The following ST3GAL1 variants were observed in gnomAD, a reference collection of about 807,000 sequenced individuals.
ST3GAL1 encodes the protein CMP-N-acetylneuraminate-beta-galactosamide-alpha-2,3-sialyltransferase 1.
A neutral mutation model predicts 34.1 loss-of-function variants in ST3GAL1; 16 were observed. The observed-to-expected ratio is 0.47, with a 90% CI of 0.32 to 0.71. ST3GAL1 has a LOEUF of 0.71. Ranked by LOEUF, ST3GAL1 falls within the 30% of genes least tolerant of loss-of-function variation. The pLI, the probability that ST3GAL1 is intolerant of heterozygous loss-of-function variation, is 0.04. For missense variants in ST3GAL1, 353 were observed against 447.4 expected, an observed-to-expected ratio of 0.79 and a Z score of 1.90; for synonymous variants, 191 against 184.7, an observed-to-expected ratio of 1.03 and a Z score of -0.28.
chr8:133,492,793 C>T (rs773679284), intron 3 of ST3GAL1, among the ~76,000 whole-genome samples: 1 of 152,228 alleles, frequency 6.6e-6, no homozygotes, highest in Non-Finnish European at 1.5e-5. Flanking sequence ...AAGAATCTAC[C>T]TTTCGGCCTC....
chr8:133,535,092 C>G (rs902539155), intron 2 of ST3GAL1, among the ~76,000 whole-genome samples: 17 of 152,196 alleles, frequency 1.1e-4, no homozygotes, highest in Admixed American at 1.1e-3. Flanking sequence ...AGGAGGAGTC[C>G]CGGAAGAGAC....
intron 2 of ST3GAL1, among the ~76,000 whole-genome samples, chr8:133,537,277 C>G (rs73361326): frequency 0.014 from 2,016 of 148,834 alleles, 51 homozygotes; most frequent in African/African-American, 0.046. Context: ...GCTCAGCTAT[C>G]TGGAAGCTCT....
rs754963672 is a variant in ST3GAL1 at position 133,465,008 on chromosome 8, CAGACAGCCTGAGAGCTCCGAGAG to C, written c.504-74_504-52del. 2.6e-6 allele frequency: 4 copies of C among 1,560,798 alleles called. No homozygotes were observed. The African/African-American group carries it at 4.1e-5, about 16-fold the overall frequency. Reference sequence around the variant, plus strand: ...GTCTTGTAGCACGGGCACCCGTTCTCAGACAGCCTGAGAGCTCCGAGAGAGTGAGCCTCCAGTGTGACTTCAGG... The same window carrying C: ...GTCTTGTAGCACGGGCACCCGTTCTCAGTGAGCCTCCAGTGTGACTTCAGG... On this transcript the variant is annotated intron_variant, in intron 6 of 9. Coordinates refer to ENST00000522652, the MANE Select transcript of ST3GAL1 (RefSeq NM_173344.3).
At chr8:133,534,216 C>A (rs879044264) in intron 2 of ST3GAL1, among the ~76,000 whole-genome samples, 5 of 152,184 alleles carry the variant, frequency 3.3e-5, no homozygotes, top group African/African-American at 1.2e-4. Flanking sequence ...CTTCTGACAC[C>A]CAATCCTCCA....
At chr8:133,520,153 A>C (rs1344813139) in intron 2 of ST3GAL1, among the ~76,000 whole-genome samples, 1 of 152,168 alleles carries the variant, frequency 6.6e-6, no homozygotes, top group Non-Finnish European at 1.5e-5. Context: ...AGGGAACAAA[A>C]CAGATGAAGG....
intron 2 of ST3GAL1, among the ~76,000 whole-genome samples, chr8:133,513,936 G>A (rs1294751703): frequency 5.3e-5 from 8 of 151,668 alleles, no homozygotes; most frequent in East Asian, 1.9e-4. Flanking sequence ...TTTGATCCCT[G>A]TGCTAAGAGA....
intron 3 of ST3GAL1, among the ~76,000 whole-genome samples, chr8:133,486,333 G>A (rs1002621408): frequency 1.8e-4 from 27 of 152,350 alleles, no homozygotes; most frequent in South Asian, 6.2e-4. Flanking sequence ...TGTGTGTGGC[G>A]CAGCTCAGGG....
At chr8:133,460,721 A>G (rs1207279796) in intron 9 of ST3GAL1, among the ~76,000 whole-genome samples, 2 of 152,182 alleles carry the variant, frequency 1.3e-5, no homozygotes, top group African/African-American at 4.8e-5. Flanking sequence ...CTCCCGCAGC[A>G]CAGAGGAGGG....
intron 1 of ST3GAL1, among the ~76,000 whole-genome samples, chr8:133,552,293 C>T (rs143155396): frequency 2.0e-3 from 298 of 152,316 alleles, no homozygotes; most frequent in Middle Eastern, 0.017. Flanking sequence ...AAGACTGAGA[C>T]AGTCTAGCCA....
chr8:133,530,406 C>CA (rs1818117908), intron 2 of ST3GAL1, among the ~76,000 whole-genome samples: 1 of 152,086 alleles, frequency 6.6e-6, no homozygotes. Context: ...CTCAGCCTCC[C>CA]AAGTAGTTTG....
chr8:133,464,771 G>A lies in ST3GAL1; in HGVS notation c.683+7C>T. The A allele has an allele frequency of 6.2e-7, 1 of 1,609,924 alleles. No individual in the cohort carries two copies. The highest frequency in any genetic ancestry group is 8.5e-7 in the Non-Finnish European group (1 of 1,177,222). Reference sequence around the variant, plus strand: ...AGCAGCGAGGCGGGGCCACAGGAGGGACTCACTGGGAAATGGTGCCCGTGG... The same window carrying A: ...AGCAGCGAGGCGGGGCCACAGGAGGAACTCACTGGGAAATGGTGCCCGTGG... On this transcript the variant is annotated splice_region_variant and intron_variant, in intron 7 of 9. Coordinates refer to ENST00000522652, the MANE Select transcript of ST3GAL1 (RefSeq NM_173344.3).
chr8:133,504,441 G>A (rs1344536384), intron 2 of ST3GAL1, among the ~76,000 whole-genome samples: 6 of 152,316 alleles, frequency 3.9e-5, no homozygotes, highest in East Asian at 3.9e-4. Flanking sequence ...AACATCTCCC[G>A]TTTCTGGGAA....
intron 2 of ST3GAL1, among the ~76,000 whole-genome samples, chr8:133,531,814 G>C (rs75181495): frequency 1.0e-5 from 1 of 99,856 alleles, no homozygotes; most frequent in Non-Finnish European, 2.1e-5. Flanking sequence ...CTTAAAAACA[G>C]AAAAAAAAAA....
At chr8:133,479,716 T>C (rs1006015243) in intron 3 of ST3GAL1, among the ~76,000 whole-genome samples, 3 of 152,170 alleles carry the variant, frequency 2.0e-5, no homozygotes, top group African/African-American at 2.4e-5. Flanking sequence ...AAGGTTGTGC[T>C]GCACAGGTTG....
rs1299742930 is a variant in ST3GAL1, at chr8:133,465,916, C to G, written c.481G>C (p.Asp161His). The change falls in exon 6 of 10, where the codon GAC becomes CAC. Residue 161 changes from aspartate to histidine, a missense_variant. Coordinates refer to ENST00000522652, the MANE Select transcript of ST3GAL1 (RefSeq NM_173344.3). Reference sequence around the variant, plus strand: ...CACCTGAGGACAAAGTCGTGACTGTCTATCTCAGGCCCATAAGAAGACTCC... The same window carrying G: ...CACCTGAGGACAAAGTCGTGACTGTGTATCTCAGGCCCATAAGAAGACTCC... ...LRESSYGPEI[D>H]SHDFVLRMNK... 6.2e-7 allele frequency: 1 copy of G among 1,614,088 alleles called. No homozygotes were observed. The highest frequency in any genetic ancestry group is 1.1e-5 in the South Asian group (1 of 91,074).
intron 2 of ST3GAL1, among the ~76,000 whole-genome samples, chr8:133,520,582 G>A (rs1817774916): frequency 6.6e-6 from 1 of 152,034 alleles, no homozygotes; most frequent in Non-Finnish European, 1.5e-5. Flanking sequence ...AGGGAAGCAG[G>A]GTCTCTGGCA....
chr8:133,528,330 C>G (rs1038288016), intron 2 of ST3GAL1, among the ~76,000 whole-genome samples: 2 of 152,158 alleles, frequency 1.3e-5, no homozygotes, highest in African/African-American at 4.8e-5. Context: ...AAGCTCAGTA[C>G]CTACAGAATT....
chr8:133,510,437 A>G (rs1366964148), intron 2 of ST3GAL1, among the ~76,000 whole-genome samples: 2 of 152,200 alleles, frequency 1.3e-5, no homozygotes, highest in African/African-American at 4.8e-5. Flanking sequence ...GAGCTTTCAG[A>G]GATAGTCTGC....
chr8:133,507,450 C>G (rs1040715164), intron 2 of ST3GAL1, among the ~76,000 whole-genome samples: 3 of 152,210 alleles, frequency 2.0e-5, no homozygotes, highest in African/African-American at 7.2e-5. Context: ...CCTGGCACTG[C>G]CATTCCTAGC....
Sources: allele counts gnomAD v4.1 joint callset (sites outside exome capture counted in the v4.1 genomes callset), GRCh38; gene constraint gnomAD v4.1.1; transcripts MANE v1.5; gene names NCBI Gene and HGNC (gene_info 2026-07-23, HGNC 2026-07-21).